FLNA: variants seen among roughly 807,000 people sequenced by gnomAD.
The protein encoded by FLNA is filamin-A.
A neutral mutation model predicts 157.6 loss-of-function variants in FLNA; 7 were observed. The ratio of observed to expected loss-of-function variants is 0.04; its 90% confidence interval spans 0.03 to 0.08. FLNA has a LOEUF of 0.08. Ranked by LOEUF, FLNA falls within the 10% of genes least tolerant of loss-of-function variation. The probability of loss-of-function intolerance (pLI) is 1.00; values close to 1 mark genes in which losing one functional copy is unlikely to be tolerated. For synonymous variants in FLNA, 1,103 were observed against 1,060.8 expected (o/e 1.04, Z -0.77); for missense variants, 1,750 against 2,398.4 (o/e 0.73, Z 5.65).
Position 154,365,241 on chromosome X carries a change from T to C in FLNA, c.1586A>G (p.Lys529Arg), listed in dbSNP as rs782199058. Residue 529 changes from lysine to arginine, a missense_variant, in exon 11 of 48, where the codon AAG (lysine) becomes AGG (arginine). Lys to Arg is a conservative substitution (Grantham distance 26, BLOSUM62 2). This residue lies in a region of FLNA where 648 missense variants were observed against 805.8 expected (regional missense o/e 0.80). Coordinates refer to ENST00000369850, the MANE Select transcript of FLNA (RefSeq NM_001110556.2). ...CACGCCATCCCCCAGGTCCTTCTGC[T>C]TCACGCGCTCCTCTCCCTCTGCCAA... is the stretch of plus-strand genomic sequence containing the variant. The part of the protein sequence containing the change: ...VKGPKGEERV[K>R]QKDLGDGVYG... The C allele has an allele frequency of 8.3e-7, 1 of 1,211,776 alleles. No individual in the cohort carries two copies. Among genetic ancestry groups the C allele is most frequent in the Admixed American group, 2.2e-5 (1 of 46,136 alleles).
In FLNA at chrX:154,353,191, C is replaced by T. The variant is rs782064838; in HGVS notation, c.6036G>A (p.Val2012=). ...CCAGGTGCTCCCCCGTCTCCTTGGG[C>T]ACGAATGAAATCCCTGGACACAGGG... ...LRNGHVGISF[V]PKETGEHLVH... The change falls in exon 38 of 48, where the codon GTG becomes GTA. Residue 2012 remains valine (V), a synonymous_variant. Coordinates refer to ENST00000369850, the MANE Select transcript of FLNA (RefSeq NM_001110556.2). 7 of 1,211,696 alleles carry T rather than the reference C, an allele frequency of 5.8e-6. No homozygotes were observed. The highest frequency in any genetic ancestry group is 5.6e-6 in the Non-Finnish European group (5 of 895,467).
At chrX:154,354,315 C>G (rs782560311) in intron 33 of FLNA, 24 bp from the exon 34 acceptor site, 2 of 1,210,834 alleles carry the variant, frequency 1.7e-6, no homozygotes, top group Non-Finnish European at 2.2e-6. Context: ...GGGCTGAGGT[C>G]AGGGCAGCTC....
chrX:154,349,306 T>C, intron 47 of FLNA, 56 bp downstream of exon 47: 1 of 1,131,295 alleles, frequency 8.8e-7, no homozygotes, highest in Non-Finnish European at 1.2e-6. Flanking sequence ...CTGGCCATCC[T>C]GTGATTTCTG....
chrX:154,371,737 TC>T (rs1557180400), intron 1 of FLNA, among the ~76,000 whole-genome samples: 1 of 112,586 alleles, frequency 8.9e-6, no homozygotes. Context: ...GTGGCTCTCT[TC>T]CCTAAGTCAC....
chrX:154,349,094 C>T, intron 47 of FLNA, 58 bp from the exon 48 acceptor site: 1 of 1,088,458 alleles, frequency 9.2e-7, no homozygotes, highest in Non-Finnish European at 1.2e-6. Context: ...CGCTGGTGTC[C>T]TGCTCTCCTC....
Position 154,365,010 on chromosome X carries a change from C to T in FLNA, c.1692-53G>A, listed in dbSNP as rs781811804. On this transcript the variant is annotated intron_variant, in intron 11 of 47. Transcript: ENST00000369850. ...CACCGAGGATCACCACATGAGCCAG[C>T]GTGGGCCCCACTGTGGCGGCCAGGC... The T allele has an allele frequency of 9.1e-6, 11 of 1,206,646 alleles. No homozygotes were observed. The East Asian group carries it at 1.5e-4, about 16-fold the overall frequency.
Position 154,360,311 on chromosome X carries a change from T to G in FLNA, c.3484A>C (p.Lys1162Gln), listed in dbSNP as rs782793542. The G allele has an allele frequency of 7.4e-6, 9 of 1,210,964 alleles. No individual in the cohort carries two copies. Among genetic ancestry groups the G allele is most frequent in the East Asian group, 3.0e-5 (1 of 33,813 alleles). The change falls in exon 22 of 48, where the codon AAA becomes CAA. Residue 1162 changes from lysine (K) to glutamine (Q), a missense_variant. By Grantham distance (53) the Lys-to-Gln change is moderately conservative. Around this residue, in one of 5 missense-constraint regions of FLNA, gnomAD observed 648 missense variants for 805.8 expected, o/e 0.80. Coordinates refer to ENST00000369850, the MANE Select transcript of FLNA (RefSeq NM_001110556.2). ...AGCCCGGGGCCTGAGCACTTGACTT[T>G]GGATGCGTCAAAGCAGGGAACCACG... ...AHVVPCFDASKVKCSGPGLER... is the reference protein window; with the variant it reads ...AHVVPCFDASQVKCSGPGLER...
Position 154,362,425 on chromosome X carries a change from G to T in FLNA, c.2558C>A (p.Ala853Asp). ...CAGGAGCGCAGCACCCACCTGGTCA[G>T]CAAAGAGGACCATAATGGTGTAGCT... Reference protein sequence around the residue: ...AGSYTIMVLFADQATPTSPIR... With the variant: ...AGSYTIMVLFDDQATPTSPIR... The change falls in exon 17 of 48, where the codon GCT becomes GAT. Residue 853 changes from alanine to aspartate, a missense_variant. Physicochemically the swap from Ala to Asp is moderately radical, Grantham distance 126. Transcript: ENST00000369850. 1 of 1,211,677 alleles carries T rather than the reference G, an allele frequency of 8.3e-7. No homozygotes were observed. The highest frequency in any genetic ancestry group is 1.1e-6 in the Non-Finnish European group (1 of 895,314).
intron 18 of FLNA, 39 bp downstream of exon 18, chrX:154,362,203 T>A: frequency 8.3e-7 from 1 of 1,207,672 alleles, no homozygotes; most frequent in Non-Finnish European, 1.1e-6. Flanking sequence ...CCTCCTACCC[T>A]TGATGCCCCG....
rs781896277 is a variant in FLNA at position 154,360,026 on chromosome X, C to T, written c.3769G>A (p.Gly1257Ser). ...LQVEPAVDTSGVQCYGPGIEG... is the reference protein window; with the variant it reads ...LQVEPAVDTSSVQCYGPGIEG... ...ATACCAGGCCCATAGCACTGGACAC[C>T]GGAAGTGTCCACCGCAGGTTCCACC... Residue 1257 changes from glycine (G) to serine (S), a missense_variant, in exon 22 of 48, where the codon GGT becomes AGT. By Grantham distance (56) the Gly-to-Ser change is moderately conservative. Around this residue, in one of 5 missense-constraint regions of FLNA, gnomAD observed 970 missense variants for 1,302.6 expected, o/e 0.74. Transcript: ENST00000369850. 6.6e-6 allele frequency: 8 copies of T among 1,209,922 alleles called. No individual in the cohort carries two copies. The East Asian group carries it at 8.9e-5, about 13-fold the overall frequency.
At position 154,351,010 on chromosome X, in the gene FLNA, G is replaced by A. The variant is rs1557175646; in HGVS notation, c.7055C>T (p.Ser2352Phe). ...GGCCCCGTTCAGGCTGACTGCAAAA[G>A]AGGCTGGCTGGTTGACCTTTAGCCC... ...ESGLKVNQPASFAVSLNGAKG... is the reference protein window; with the variant it reads ...ESGLKVNQPAFFAVSLNGAKG... Residue 2352 changes from serine (S) to phenylalanine (F), a missense_variant, in exon 44 of 48, where the codon TCT becomes TTT. By Grantham distance (155) the Ser-to-Phe change is radical (BLOSUM62 -2). Coordinates refer to ENST00000369850, the MANE Select transcript of FLNA (RefSeq NM_001110556.2). The A allele has an allele frequency of 9.1e-6, 11 of 1,211,829 alleles. No homozygotes were observed. In the East Asian group the frequency reaches 3.2e-4, roughly 36 times the overall value.
At position 154,348,623 on chromosome X, in the gene FLNA, AAAG is replaced by A. The variant is rs2067591978; in HGVS notation, c.*223_*225del. 2.5e-6 allele frequency: 1 copy of A among 392,946 alleles called. No individual in the cohort carries two copies. The highest frequency in any genetic ancestry group is 4.4e-6 in the Non-Finnish European group (1 of 228,357). The allele number at this position is 392,946 out of a possible 1,213,427, so 32.4% of individuals were successfully genotyped here. On this transcript the variant is annotated 3_prime_UTR_variant, in exon 48 of 48. Transcript: ENST00000369850. Reference sequence around the variant, plus strand: ...CCCATCCCTCACCCCTCCCAGAACCAAAGAAGACAAGCAGCGCCACCAAATGGC... The same window carrying A: ...CCCATCCCTCACCCCTCCCAGAACCAAAGACAAGCAGCGCCACCAAATGGC...
At position 154,371,366 on chromosome X, in the gene FLNA, G is replaced by A. The variant is rs2067807000; in HGVS notation, c.-116-5C>T. The A allele has an allele frequency of 6.4e-6, 6 of 940,230 alleles. No individual in the cohort carries two copies. Among genetic ancestry groups the A allele is most frequent in the Non-Finnish European group, 8.7e-6 (6 of 688,135 alleles). The allele number at this position is 940,230 out of a possible 1,213,427, so 77.5% of individuals were successfully genotyped here. A position where few individuals can be genotyped will look rare whatever the true frequency, so the allele number is the denominator to read the frequency against. ...AGGCAGGGAGCAGAGGTTGCGCTGC[G>A]GAGAGAGCGAGCCCTTTAAATGCGG... On this transcript the variant is annotated splice_region_variant and splice_polypyrimidine_tract_variant and intron_variant, in intron 1 of 47. Transcript: ENST00000369850.
Position 154,361,584 on chromosome X carries a change from G to A in FLNA, c.2945-14C>T. 1 of 1,211,444 alleles carries A rather than the reference G, an allele frequency of 8.3e-7. No homozygotes were observed. The highest frequency in any genetic ancestry group is 2.3e-4 in the Middle Eastern group (1 of 4,356). On this transcript the variant is annotated splice_polypyrimidine_tract_variant and intron_variant, in intron 20 of 47. Coordinates refer to ENST00000369850, the MANE Select transcript of FLNA (RefSeq NM_001110556.2). ...CAACGTCCACCTCTGTGGAAACGAT[G>A]AAAGGAAGGAGAGAGACATGACACC...
intron 7 of FLNA, 29 bp from the exon 8 acceptor site, chrX:154,366,499 T>C (rs1450009630): frequency 8.3e-6 from 10 of 1,208,625 alleles, no homozygotes; most frequent in Non-Finnish European, 1.0e-5. Context: ...GCCGTGAGGG[T>C]AGGGCTGGGG....
chrX:154,362,531 C>T lies in FLNA; in HGVS notation c.2452G>A (p.Ala818Thr), dbSNP rs782591945. Residue 818 changes from alanine to threonine, a missense_variant, in exon 17 of 48, where the codon GCC becomes ACC. By Grantham distance (58) the Ala-to-Thr change is moderately conservative. This residue lies in a region of FLNA where 648 missense variants were observed against 805.8 expected (regional missense o/e 0.80). Transcript: ENST00000369850. ...ATGTCGAAGTCGATGTCAGCTTCGG[C>T]GGGGCCTACCACTCCAGGGGCACAC... ...IKCAPGVVGP[A>T]EADIDFDIIR... 1.6e-5 allele frequency: 19 copies of T among 1,210,082 alleles called. No homozygotes were observed. In the South Asian group the frequency reaches 1.9e-4, roughly 12 times the overall value.
Position 154,350,447 on chromosome X carries a change from C to T in FLNA, c.7157-240G>A, listed in dbSNP as rs374932881. On this transcript the variant is annotated intron_variant, in intron 44 of 47. Transcript: ENST00000369850. ...AATCTTTTACAAGCCAAACCCAGGC[C>T]TTGCTGCCTCCTAAGAAAGGTTACC... 92 of 434,334 alleles carry T rather than the reference C, an allele frequency of 2.1e-4. No individual in the cohort carries two copies. The East Asian group carries it at 2.3e-3, about 11-fold the overall frequency. The allele number at this position is 434,334 out of a possible 1,213,427, so 35.8% of individuals were successfully genotyped here. A position where few individuals can be genotyped will look rare whatever the true frequency, so the allele number is the denominator to read the frequency against.
rs1226982948 is a variant in FLNA at position 154,353,193 on chromosome X, C to T, written c.6034G>A (p.Val2012Met). The stretch of plus-strand genomic sequence containing the variant: ...AGGTGCTCCCCCGTCTCCTTGGGCA[C>T]GAATGAAATCCCTGGACACAGGGCA... ...LRNGHVGISF[V>M]PKETGEHLVH... Residue 2012 changes from valine (V) to methionine (M), a missense_variant, in exon 38 of 48, where the codon GTG (valine) becomes ATG (methionine). By Grantham distance (21) the Val-to-Met change is conservative. This residue lies in a region of FLNA where 970 missense variants were observed against 1,302.6 expected (regional missense o/e 0.74). Transcript: ENST00000369850. 8 of 1,211,539 alleles carry T rather than the reference C, an allele frequency of 6.6e-6. No homozygotes were observed. Among genetic ancestry groups the T allele is most frequent in the Non-Finnish European group, 7.8e-6 (7 of 895,392 alleles).
chrX:154,370,785 G>T, intron 2 of FLNA, 88 bp downstream of exon 2: 1 of 1,007,388 alleles, frequency 9.9e-7, no homozygotes, highest in Non-Finnish European at 1.4e-6. Flanking sequence ...GCCCGGAAGG[G>T]GGTGGTTTGG....
Sources: allele counts gnomAD v4.1 joint callset (sites outside exome capture counted in the v4.1 genomes callset), GRCh38; gene constraint gnomAD v4.1.1; regional missense constraint gnomAD v4.1.1; transcripts MANE v1.5; gene names NCBI Gene and HGNC (gene_info 2026-07-23, HGNC 2026-07-21).